The following ARRDC4 variants were observed in gnomAD, a reference collection of about 807,000 sequenced individuals.
The protein encoded by ARRDC4 is arrestin domain containing 4.
A neutral mutation model predicts 44.6 loss-of-function variants in ARRDC4; 40 were observed. The observed-to-expected ratio is 0.90, with a 90% confidence interval of 0.70 to 1.17. ARRDC4 has a LOEUF of 1.17. Among genes scored for constraint, ARRDC4 ranks in the 50% most tolerant of loss-of-function variants. The pLI is 0.00. For missense variants in ARRDC4, 550 were observed against 559.1 expected (o/e 0.98, Z 0.16); for synonymous variants, 211 against 221.2 (o/e 0.95, Z 0.41).
rs1382260892 is a variant in ARRDC4, at chr15:97,966,118, T to C, written c.522+76T>C. On this transcript the variant is annotated intron_variant, in intron 3 of 7. Transcript: ENST00000268042. The surrounding 1 kb of genome is among the most constrained non-coding windows in gnomAD (Gnocchi z 4.7). ...CCTCCTTCCTTTCAACAGTGGGATC[T>C]ATATTTAGCCAGTTTACTGGTAGTC... The C allele has an allele frequency of 6.6e-7, 1 of 1,514,140 alleles. No individual in the cohort carries two copies. The highest frequency in any genetic ancestry group is 9.0e-7 in the Non-Finnish European group (1 of 1,112,556). 93.8% of individuals were successfully genotyped at this position (1,514,140 alleles called of 1,614,324 possible). A position where few individuals can be genotyped will look rare whatever the true frequency, so the allele number is the denominator to read the frequency against.
intron 5 of ARRDC4, 85 bp from the exon 6 acceptor site, chr15:97,969,797 GA>G (rs1006503531): frequency 4.7e-6 from 6 of 1,274,240 alleles, no homozygotes; most frequent in Admixed American, 2.5e-5. Flanking sequence ...TTGTTTCTAT[GA>G]AAAAAAGAAA....
Position 97,965,083 on chromosome 15 carries a change from G to C in ARRDC4, c.308-517G>C, listed in dbSNP as rs1398080956. On this transcript the variant is annotated intron_variant, in intron 1 of 7. Coordinates refer to ENST00000268042, the MANE Select transcript of ARRDC4 (RefSeq NM_183376.3). This position sits in a 1 kb window ranked among gnomAD's most constrained non-coding sequence, Gnocchi z 5.1. Reference sequence around the variant, plus strand: ...TCTGAACCTTAGCACTTTAGTAATTGGTCTATTTGAGAATGGAATATATGT... The same window carrying C: ...TCTGAACCTTAGCACTTTAGTAATTCGTCTATTTGAGAATGGAATATATGT... Among the ~76,000 whole-genome samples, 2 of 151,714 alleles carry C rather than the reference G, an allele frequency of 1.3e-5. No individual in the cohort carries two copies. Among genetic ancestry groups the C allele is most frequent in the Non-Finnish European group, 2.9e-5 (2 of 67,984 alleles).
In ARRDC4 at chr15:97,968,259, ATAAT is replaced by A. The variant is rs1177311434; in HGVS notation, c.625+145_625+148del. On this transcript the variant is annotated intron_variant, in intron 4 of 7. Coordinates refer to ENST00000268042, the MANE Select transcript of ARRDC4 (RefSeq NM_183376.3). The surrounding 1 kb of genome is among the most constrained non-coding windows in gnomAD (Gnocchi z 5.4). ...GAATAGTGATACATTTTTTATATAA[ATAAT>A]TGATATTTAAGTATTTTTAAAAGGA... 9.4e-6 allele frequency: 4 copies of A among 423,594 alleles called. No homozygotes were observed. Among genetic ancestry groups the A allele is most frequent in the African/African-American group, 8.2e-5 (4 of 48,874 alleles). 26.2% of individuals were successfully genotyped at this position (423,594 alleles called of 1,614,324 possible).
At chr15:97,961,788 C>G (rs1567192639) in intron 1 of ARRDC4, among the ~76,000 whole-genome samples, 1 of 152,114 alleles carries the variant, frequency 6.6e-6, no homozygotes, top group Non-Finnish European at 1.5e-5. Flanking sequence ...TCTTCCTCCC[C>G]ATCCTCCTCC....
At position 97,960,852 on chromosome 15, in the gene ARRDC4, G is replaced by A. The variant is rs1192592079; in HGVS notation, c.-10G>A. 35 of 1,340,100 alleles carry A rather than the reference G, an allele frequency of 2.6e-5. No homozygotes were observed. The highest frequency in any genetic ancestry group is 3.3e-5 in the Non-Finnish European group (34 of 1,040,714). 83.0% of individuals were successfully genotyped at this position (1,340,100 alleles called of 1,614,324 possible). On this transcript the variant is annotated 5_prime_UTR_variant, in exon 1 of 8. Transcript: ENST00000268042. Reference sequence around the variant, plus strand: ...CCGACCTCAGGGGCAGGAAAGAGTCGCCCGGCGGGATGGGCGGGGAGGCTG... The same window carrying A: ...CCGACCTCAGGGGCAGGAAAGAGTCACCCGGCGGGATGGGCGGGGAGGCTG...
intron 5 of ARRDC4, 95 bp downstream of exon 5, chr15:97,969,474 A>AT: frequency 7.2e-7 from 1 of 1,392,008 alleles, no homozygotes; most frequent in Non-Finnish European, 9.9e-7. Context: ...TAAAAATGTC[A>AT]TTTTATTTCA....
chr15:97,970,106 A>G lies in ARRDC4; in HGVS notation c.1045+61A>G. 6.6e-7 allele frequency: 1 copy of G among 1,517,738 alleles called. No individual in the cohort carries two copies. Among genetic ancestry groups the G allele is most frequent in the Non-Finnish European group, 9.0e-7 (1 of 1,112,710 alleles). The allele number at this position is 1,517,738 out of a possible 1,614,324, so 94.0% of individuals were successfully genotyped here. ...TACCTAGAAAATACCTAGGAACAGAATATATACACTATTAAGTGCTCAGAT... is the reference window on the plus strand; with the variant it reads ...TACCTAGAAAATACCTAGGAACAGAGTATATACACTATTAAGTGCTCAGAT... On this transcript the variant is annotated intron_variant, in intron 6 of 7. Transcript: ENST00000268042. This position sits in a 1 kb window ranked among gnomAD's most constrained non-coding sequence, Gnocchi z 4.2.
rs183179688 is a variant in ARRDC4 at position 97,968,926 on chromosome 15, A to G, written c.626-197A>G. On this transcript the variant is annotated intron_variant, in intron 4 of 7. Transcript: ENST00000268042. The surrounding 1 kb of genome is among the most constrained non-coding windows in gnomAD (Gnocchi z 5.4). The stretch of plus-strand genomic sequence containing the variant: ...CTACTTTAGAAAAGTCAATAATGCA[A>G]TAATTAGAAAATAAGATCTACCACA... 4.6e-5 allele frequency among the ~76,000 whole-genome samples: 7 copies of G among 152,340 alleles called. No individual in the cohort carries two copies. The highest frequency in any genetic ancestry group is 8.8e-5 in the Non-Finnish European group (6 of 68,030).
Position 97,961,157 on chromosome 15 carries a change from A to G in ARRDC4, c.296A>G (p.Glu99Gly). The G allele has an allele frequency of 7.0e-7, 1 of 1,437,582 alleles. No homozygotes were observed. The highest frequency in any genetic ancestry group is 9.0e-7 in the Non-Finnish European group (1 of 1,105,658). The allele number at this position is 1,437,582 out of a possible 1,614,324, so 89.1% of individuals were successfully genotyped here. The change falls in exon 1 of 8, where the codon GAG becomes GGG. Residue 99 changes from glutamate (E) to glycine (G), a missense_variant. Glu to Gly is a moderately conservative substitution (Grantham distance 98). Coordinates refer to ENST00000268042, the MANE Select transcript of ARRDC4 (RefSeq NM_183376.3). ...CTGAACGTGCGCCTCAGCCTGCGGG[A>G]GCCCCCGGCCGGTAAGCGCAGGCGA... The part of the protein sequence containing the change: ...EYLNVRLSLR[E>G]PPAGEGIILL...
chr15:97,970,163 A>G lies in ARRDC4; in HGVS notation c.1045+118A>G. 1 of 1,104,874 alleles carries G rather than the reference A, an allele frequency of 9.1e-7. No individual in the cohort carries two copies. The highest frequency in any genetic ancestry group is 1.2e-6 in the Non-Finnish European group (1 of 819,268). The allele number at this position is 1,104,874 out of a possible 1,614,324, so 68.4% of individuals were successfully genotyped here. A position where few individuals can be genotyped will look rare whatever the true frequency, so the allele number is the denominator to read the frequency against. Reference sequence around the variant, plus strand: ...GAGTACTGCTACTATAGGTATCTTTATTCCTACTACTAAAAAATCAGAAAG... The same window carrying G: ...GAGTACTGCTACTATAGGTATCTTTGTTCCTACTACTAAAAAATCAGAAAG... On this transcript the variant is annotated intron_variant, in intron 6 of 7. Transcript: ENST00000268042. The surrounding 1 kb of genome is among the most constrained non-coding windows in gnomAD (Gnocchi z 4.2).
In ARRDC4 at chr15:97,960,829, G is replaced by T. The variant is rs758638584; in HGVS notation, c.-33G>T. 30 of 1,278,702 alleles carry T rather than the reference G, an allele frequency of 2.3e-5. No homozygotes were observed. In the South Asian group the frequency reaches 7.5e-4, roughly 32 times the overall value. The allele number at this position is 1,278,702 out of a possible 1,614,324, so 79.2% of individuals were successfully genotyped here. ...GCGACCCCGGCTCCGGGCCTCTGCC[G>T]ACCTCAGGGGCAGGAAAGAGTCGCC... On this transcript the variant is annotated 5_prime_UTR_variant, in exon 1 of 8. Transcript: ENST00000268042.
Position 97,963,435 on chromosome 15 carries a change from AT to A in ARRDC4, c.308-2161del, listed in dbSNP as rs576091062. On this transcript the variant is annotated intron_variant, in intron 1 of 7. Transcript: ENST00000268042. ...ATGTTTTGAGATAGTTGAAAGTCTC[AT>A]TTTAAATGATATAGATCCGATGTCG... Among the ~76,000 whole-genome samples, 742 of 152,316 alleles carry A rather than the reference AT, an allele frequency of 4.9e-3. 6 individuals are homozygous for A. Among genetic ancestry groups the A allele is most frequent in the African/African-American group, 0.017 (720 of 41,562 alleles).
rs1268433506 is a variant in ARRDC4 at position 97,970,726 on chromosome 15, C to G, written c.1183C>G (p.Pro395Ala). Reference protein sequence around the residue: ...ACIQEFRFQPPPLYSEVDPHP... With the variant: ...ACIQEFRFQPAPLYSEVDPHP... ...TATACAAGAATTCCGGTTTCAACCC[C>G]CACCTCTTTATTCAGAGGTAAGCAA... Residue 395 changes from proline to alanine, a missense_variant, in exon 7 of 8, where the codon CCA (proline) becomes GCA (alanine). Transcript: ENST00000268042. This position sits in a 1 kb window ranked among gnomAD's most constrained non-coding sequence, Gnocchi z 4.2. The G allele has an allele frequency of 2.5e-6, 4 of 1,612,838 alleles. No individual in the cohort carries two copies. In the South Asian group the frequency reaches 4.4e-5, roughly 18 times the overall value.
chr15:97,964,285 A>T (rs1351088607), intron 1 of ARRDC4, among the ~76,000 whole-genome samples: 4 of 148,128 alleles, frequency 2.7e-5, no homozygotes, highest in Non-Finnish European at 4.5e-5. Flanking sequence ...ATTTCTTTAA[A>T]TTTTTTTTTT....
At chr15:97,963,501 T>C (rs570268359) in intron 1 of ARRDC4, among the ~76,000 whole-genome samples, 1 of 152,316 alleles carries the variant, frequency 6.6e-6, no homozygotes, top group South Asian at 2.1e-4. Context: ...TGTCTCTCAT[T>C]CTCTTCAGTA....
chr15:97,969,408 T>C (rs375134157), intron 5 of ARRDC4, 29 bp downstream of exon 5: 2 of 1,605,804 alleles, frequency 1.2e-6, no homozygotes, highest in South Asian at 1.1e-5. Flanking sequence ...TAAAAAAAAA[T>C]GTGTATGATG....
In ARRDC4 at chr15:97,966,114, G is replaced by C. The variant is rs924840342; in HGVS notation, c.522+72G>C. On this transcript the variant is annotated intron_variant, in intron 3 of 7. Transcript: ENST00000268042. The surrounding 1 kb of genome is among the most constrained non-coding windows in gnomAD (Gnocchi z 4.7). ...CCTTCCTCCTTCCTTTCAACAGTGG[G>C]ATCTATATTTAGCCAGTTTACTGGT... 5.2e-6 allele frequency: 8 copies of C among 1,530,434 alleles called. No homozygotes were observed. Among genetic ancestry groups the C allele is most frequent in the Non-Finnish European group, 7.1e-6 (8 of 1,125,210 alleles). 94.8% of individuals were successfully genotyped at this position (1,530,434 alleles called of 1,614,324 possible).
In ARRDC4 at chr15:97,961,093, A is replaced by G. The variant is rs954605401; in HGVS notation, c.232A>G (p.Ser78Gly). ...GAGCACCTGCCCCCGCGCCTCGGCC[A>G]GCACCGCGGCCCTGGCTGTCTTCTC... ...GPSTCPRASA[S>G]TAALAVFSEV... Residue 78 changes from serine (S) to glycine (G), a missense_variant, in exon 1 of 8, where the codon AGC (serine) becomes GGC (glycine). By Grantham distance (56) the Ser-to-Gly change is moderately conservative. Coordinates refer to ENST00000268042, the MANE Select transcript of ARRDC4 (RefSeq NM_183376.3). 1.2e-4 allele frequency: 176 copies of G among 1,443,372 alleles called. No individual in the cohort carries two copies. Among genetic ancestry groups the G allele is most frequent in the Non-Finnish European group, 1.5e-4 (170 of 1,105,116 alleles). The allele number at this position is 1,443,372 out of a possible 1,614,324, so 89.4% of individuals were successfully genotyped here. A position where few individuals can be genotyped will look rare whatever the true frequency, so the allele number is the denominator to read the frequency against.
Position 97,960,795 on chromosome 15 carries a change from G to A in ARRDC4, c.-67G>A. 1.6e-6 allele frequency: 2 copies of A among 1,244,944 alleles called. No individual in the cohort carries two copies. The highest frequency in any genetic ancestry group is 2.0e-6 in the Non-Finnish European group (2 of 992,014). The allele number at this position is 1,244,944 out of a possible 1,614,324, so 77.1% of individuals were successfully genotyped here. A position where few individuals can be genotyped will look rare whatever the true frequency, so the allele number is the denominator to read the frequency against. The stretch of plus-strand genomic sequence containing the variant: ...CGCGAGCGCCTGTGACAGCGGCGCC[G>A]CTGTGCTCGCGACCCCGGCTCCGGG... On this transcript the variant is annotated 5_prime_UTR_variant, in exon 1 of 8. Transcript: ENST00000268042.
Sources: allele counts gnomAD v4.1 joint callset (sites outside exome capture counted in the v4.1 genomes callset), GRCh38; gene constraint gnomAD v4.1.1; non-coding constraint Gnocchi (gnomAD v3.1); transcripts MANE v1.5; gene names NCBI Gene and HGNC (gene_info 2026-07-23, HGNC 2026-07-21).